The following MED13L variants were observed in gnomAD, a reference collection of about 807,000 sequenced individuals.
MED13L encodes mediator complex subunit 13L.
In MED13L, 7 loss-of-function variants were observed where a neutral mutation model predicts 220.9. That is an observed-to-expected ratio of 0.03 (90% CI 0.02 to 0.06). The LOEUF (loss-of-function observed/expected upper bound fraction) is 0.06. Ranked by LOEUF, MED13L falls within the 10% of genes least tolerant of loss-of-function variation. The pLI, the probability that MED13L is intolerant of heterozygous loss-of-function variation, is 1.00. For synonymous variants in MED13L, 1,011 were observed against 1,015.2 expected (o/e 1.00, Z 0.08); for missense variants, 1,965 against 2,760.5 (o/e 0.71, Z 6.46).
intron 2 of MED13L, among the ~76,000 whole-genome samples, chr12:116,200,339 A>C (rs1218281508): frequency 6.6e-6 from 1 of 152,204 alleles, no homozygotes; most frequent in Non-Finnish European, 1.5e-5. Context: ...AGTGTACTAT[A>C]GCCACCTTTC....
intron 4 of MED13L, among the ~76,000 whole-genome samples, chr12:116,035,978 A>G (rs1215135799): frequency 6.6e-6 from 1 of 152,102 alleles, no homozygotes; most frequent in African/African-American, 2.4e-5. Context: ...CCATTGCCCA[A>G]TTTGCTTCCT....
intron 4 of MED13L, among the ~76,000 whole-genome samples, chr12:116,065,016 G>C (rs1032825936): frequency 6.6e-6 from 1 of 152,120 alleles, no homozygotes; most frequent in East Asian, 1.9e-4. Context: ...TTTCATTGCT[G>C]TACAAACAAC....
chr12:116,090,027 C>T (rs991940027), intron 4 of MED13L, among the ~76,000 whole-genome samples: 3 of 152,120 alleles, frequency 2.0e-5, no homozygotes, highest in Non-Finnish European at 4.4e-5. Flanking sequence ...TATCATTCTA[C>T]GGTACTTAGG....
Position 116,111,520 on chromosome 12 carries a change from A to T in MED13L, c.311-8T>A. On this transcript the variant is annotated splice_region_variant and splice_polypyrimidine_tract_variant and intron_variant, in intron 2 of 30. Coordinates refer to ENST00000281928, the MANE Select transcript of MED13L (RefSeq NM_015335.5). ...AGAGTCCTTCTTCCACAACTGAAAA[A>T]AAAAAGAAAAAAGAAAAAAAAAGAA... 2 of 1,579,808 alleles carry T rather than the reference A, an allele frequency of 1.3e-6. No individual in the cohort carries two copies. The highest frequency in any genetic ancestry group is 1.7e-6 in the Non-Finnish European group (2 of 1,159,898).
chr12:116,263,409 A>G (rs12829128), intron 1 of MED13L, among the ~76,000 whole-genome samples: 2,025 of 152,320 alleles, frequency 0.013, 22 homozygotes, highest in Non-Finnish European at 0.021. Context: ...TGCAACTTGT[A>G]ATCTAAACAA....
At chr12:116,260,848 G>C (rs1332908671) in intron 1 of MED13L, among the ~76,000 whole-genome samples, 1 of 152,090 alleles carries the variant, frequency 6.6e-6, no homozygotes, top group Non-Finnish European at 1.5e-5. Flanking sequence ...AATTAAACGA[G>C]AATATCCCAA....
chr12:116,054,236 A>G (rs1868761726), intron 4 of MED13L, among the ~76,000 whole-genome samples: 1 of 151,422 alleles, frequency 6.6e-6, no homozygotes, highest in African/African-American at 2.4e-5. Context: ...ACACACACGT[A>G]CGTCTTACCC....
At chr12:116,161,910 A>T (rs73200220) in intron 2 of MED13L, among the ~76,000 whole-genome samples, 28,876 of 151,804 alleles carry the variant, frequency 0.19, 3,038 homozygotes, top group Middle Eastern at 0.26. Flanking sequence ...ATCTTTTTTT[A>T]AAAAAAGAAA....
intron 2 of MED13L, among the ~76,000 whole-genome samples, chr12:116,216,252 C>T (rs1882989220): frequency 6.6e-6 from 1 of 152,130 alleles, no homozygotes; most frequent in African/African-American, 2.4e-5. Context: ...TTCAACTGAT[C>T]CTCCAGCCTT....
intron 2 of MED13L, among the ~76,000 whole-genome samples, chr12:116,184,863 C>T (rs908964630): frequency 6.6e-6 from 1 of 152,078 alleles, no homozygotes; most frequent in Non-Finnish European, 1.5e-5. Context: ...ACAATCACTA[C>T]CAAATATTTA....
intron 1 of MED13L, among the ~76,000 whole-genome samples, chr12:116,241,515 C>T (rs1037361642): frequency 3.3e-5 from 5 of 152,032 alleles, no homozygotes; most frequent in African/African-American, 1.2e-4. Context: ...CTGTAATATC[C>T]GGCAGTAGAG....
At chr12:115,965,868 G>A (rs1876120603) in intron 29 of MED13L, among the ~76,000 whole-genome samples, 1 of 152,108 alleles carries the variant, frequency 6.6e-6, no homozygotes, top group Admixed American at 6.6e-5. Flanking sequence ...TTGGGCTACA[G>A]TGATTCATTT....
At chr12:116,064,182 C>CAA (rs751790134) in intron 4 of MED13L, among the ~76,000 whole-genome samples, 2 of 136,890 alleles carry the variant, frequency 1.5e-5, no homozygotes, top group East Asian at 2.1e-4. Context: ...GACCCCGTCT[C>CAA]AAAAAAAAAA....
chr12:116,007,165 A>G, intron 11 of MED13L: 1 of 546,576 alleles, frequency 1.8e-6, no homozygotes, highest in South Asian at 2.0e-5. Flanking sequence ...CATGCACTGT[A>G]CAAGCTATAG....
At chr12:116,046,083 C>G (rs1881815114) in intron 4 of MED13L, among the ~76,000 whole-genome samples, 1 of 152,066 alleles carries the variant, frequency 6.6e-6, no homozygotes, top group Non-Finnish European at 1.5e-5. Flanking sequence ...GCAGTCTTAT[C>G]ATTCTCTAAC....
chr12:115,967,170 C>CAA (rs34377158), intron 28 of MED13L, among the ~76,000 whole-genome samples: 2,774 of 45,066 alleles, frequency 0.062, 532 homozygotes, highest in African/African-American at 0.18. Context: ...GACTCTGTCT[C>CAA]AAAAAAAAAA....
chr12:116,205,946 T>G (rs944805458), intron 2 of MED13L, among the ~76,000 whole-genome samples: 39 of 151,048 alleles, frequency 2.6e-4, no homozygotes, highest in East Asian at 1.5e-3. Context: ...AAACTTGTTT[T>G]TTTTTTTTTT....
chr12:115,984,044 C>T, intron 20 of MED13L, 136 bp downstream of exon 20: 2 of 1,047,384 alleles, frequency 1.9e-6, no homozygotes, highest in African/African-American at 1.6e-5. Context: ...CTGCCCAGAA[C>T]ACCAAACTGG....
intron 1 of MED13L, among the ~76,000 whole-genome samples, chr12:116,272,440 G>A (rs1049617607): frequency 1.3e-5 from 2 of 152,096 alleles, no homozygotes; most frequent in Non-Finnish European, 2.9e-5. Flanking sequence ...GCAGGCGCCT[G>A]TAATCCCAGC....
Sources: gnomAD v4.1 joint callset for allele counts (sites outside exome capture counted in the v4.1 genomes callset) on GRCh38, gnomAD v4.1.1 for gene constraint, MANE v1.5 for transcripts, NCBI Gene and HGNC (gene_info 2026-07-23, HGNC 2026-07-21) for gene names.